FRMD3: variants seen among roughly 807,000 people sequenced by gnomAD.
FRMD3 encodes FERM domain-containing protein 3.
Under a neutral mutation model 70.2 loss-of-function variants are expected in FRMD3, and 33 were observed. That is an observed-to-expected ratio of 0.47 (90% CI 0.36 to 0.63). FRMD3 has a LOEUF of 0.63. FRMD3 is among the 20% of genes least tolerant of loss of function. The pLI is 0.00. For synonymous variants in FRMD3, 279 were observed against 255.9 expected (o/e 1.09, Z -0.86); for missense variants, 632 against 711.4 (o/e 0.89, Z 1.27).
At chr9:83,554,608 G>A in the FRMD3 span, among the ~76,000 whole-genome samples, 9 of 152,208 alleles carry the variant, frequency 5.9e-5, no homozygotes, top group South Asian at 2.1e-4. Context: ...TTCTTGGGTC[G>A]ATTGCAGCTT....
intron 1 of FRMD3, among the ~76,000 whole-genome samples, chr9:83,433,781 A>G (rs577949531): frequency 5.9e-5 from 9 of 152,192 alleles, no homozygotes; most frequent in East Asian, 1.9e-4. Flanking sequence ...CTGCACCCCT[A>G]TGAGAATCTA....
chr9:83,521,096 A>G (rs1299835233), intron 1 of FRMD3, among the ~76,000 whole-genome samples: 1 of 151,580 alleles, frequency 6.6e-6, no homozygotes, highest in Non-Finnish European at 1.5e-5. Context: ...CCGAGATCAC[A>G]CCACTGCACT....
At chr9:83,305,305 T>C (rs149774095) in intron 10 of FRMD3, among the ~76,000 whole-genome samples, 1 of 152,298 alleles carries the variant, frequency 6.6e-6, no homozygotes, top group Non-Finnish European at 1.5e-5. Flanking sequence ...CTCAAAATAC[T>C]CTCATCATTA....
intron 1 of FRMD3, among the ~76,000 whole-genome samples, chr9:83,427,862 T>C (rs1233992607): frequency 1.3e-5 from 2 of 152,182 alleles, no homozygotes; most frequent in African/African-American, 2.4e-5. Flanking sequence ...TTCCTATTCA[T>C]GAGCTTGGCC....
At chr9:83,387,144 C>A (rs916020694) in intron 2 of FRMD3, among the ~76,000 whole-genome samples, 5 of 152,108 alleles carry the variant, frequency 3.3e-5, no homozygotes, top group African/African-American at 1.2e-4. Flanking sequence ...TAAACTTTTG[C>A]ACACTAATTT....
chr9:83,333,696 C>A (rs532749057), intron 6 of FRMD3, among the ~76,000 whole-genome samples: 1 of 152,172 alleles, frequency 6.6e-6, no homozygotes, highest in Non-Finnish European at 1.5e-5. Context: ...CCTCAGGCAC[C>A]GCTGACATGG....
At chr9:83,337,027 T>C (rs999253304) in intron 5 of FRMD3, among the ~76,000 whole-genome samples, 5 of 152,148 alleles carry the variant, frequency 3.3e-5, no homozygotes, top group Non-Finnish European at 4.4e-5. Flanking sequence ...GTATAGGCCC[T>C]AATGATAATA....
chr9:83,432,865 T>C (rs770390399), intron 1 of FRMD3, among the ~76,000 whole-genome samples: 5 of 152,232 alleles, frequency 3.3e-5, no homozygotes, highest in Non-Finnish European at 4.4e-5. Context: ...GTAGTGTACA[T>C]TGTACCCAGT....
intron 1 of FRMD3, among the ~76,000 whole-genome samples, chr9:83,392,572 G>A (rs566211098): frequency 1.3e-5 from 2 of 152,096 alleles, no homozygotes; most frequent in East Asian, 1.9e-4. Context: ...GAAGATAGAG[G>A]TTCCTTCCCT....
chr9:83,441,844 C>G (rs1827306087), intron 1 of FRMD3, among the ~76,000 whole-genome samples: 1 of 149,996 alleles, frequency 6.7e-6, no homozygotes, highest in Non-Finnish European at 1.5e-5. Context: ...AAACAGAGAA[C>G]AGAATCCTTT....
chr9:83,307,510 T>C (rs1201349225), intron 10 of FRMD3, among the ~76,000 whole-genome samples: 2 of 152,256 alleles, frequency 1.3e-5, no homozygotes, highest in Admixed American at 6.5e-5. Flanking sequence ...AGACATGTTA[T>C]AATATGGGTG....
At chr9:83,427,731 A>G (rs1228126515) in intron 1 of FRMD3, among the ~76,000 whole-genome samples, 1 of 151,964 alleles carries the variant, frequency 6.6e-6, no homozygotes, top group African/African-American at 2.4e-5. Context: ...TGAATCTAGA[A>G]AAAAAAATGA....
the FRMD3 span, among the ~76,000 whole-genome samples, chr9:83,549,142 T>C: frequency 6.6e-6 from 1 of 152,086 alleles, no homozygotes; most frequent in Non-Finnish European, 1.5e-5. Flanking sequence ...GTCTTTTGTT[T>C]CCCTCTTTGT....
chr9:83,490,796 T>TCACA lies in FRMD3; in HGVS notation c.147+47288_147+47289insTGTG, dbSNP rs1217910906. ...CTCTCTCTCTCTCTCTCTCTCTCTC[T>TCACA]CTCACACACACACACACACACACAC... On this transcript the variant is annotated intron_variant, in intron 1 of 13. Transcript: ENST00000304195. 5.8e-3 allele frequency among the ~76,000 whole-genome samples: 655 copies of TCACA among 112,010 alleles called. 2 individuals carry two copies. Among genetic ancestry groups the TCACA allele is most frequent in the East Asian group, 0.018 (66 of 3,728 alleles). The allele number at this position is 112,010 out of a possible 152,430, so 73.5% of individuals were successfully genotyped here. A position where few individuals can be genotyped will look rare whatever the true frequency, so the allele number is the denominator to read the frequency against.
At chr9:83,291,468 T>G (rs1834416851) in intron 12 of FRMD3, among the ~76,000 whole-genome samples, 2 of 152,178 alleles carry the variant, frequency 1.3e-5, no homozygotes, top group African/African-American at 4.8e-5. Flanking sequence ...TCACTCCCCA[T>G]GCTTCCTGTC....
At chr9:83,366,439 G>A (rs1019684620) in intron 3 of FRMD3, among the ~76,000 whole-genome samples, 5 of 152,134 alleles carry the variant, frequency 3.3e-5, no homozygotes, top group Non-Finnish European at 5.9e-5. Context: ...CAGGCATGGT[G>A]GCAGGTGCCT....
the FRMD3 span, among the ~76,000 whole-genome samples, chr9:83,561,723 T>A: frequency 6.6e-6 from 1 of 152,164 alleles, no homozygotes; most frequent in South Asian, 2.1e-4. Flanking sequence ...ATGATTCACA[T>A]CACTTAATAA....
In FRMD3 at chr9:83,509,298, C is replaced by T. The variant is rs145834356; in HGVS notation, c.147+28787G>A. The stretch of plus-strand genomic sequence containing the variant: ...ATCTTTAGCTCATTTACATTCTTTG[C>T]CACATCTAGAAGACTTTTTCAATAT... On this transcript the variant is annotated intron_variant, in intron 1 of 13. Transcript: ENST00000304195. 3.5e-3 allele frequency among the ~76,000 whole-genome samples: 530 copies of T among 152,266 alleles called. 5 individuals are homozygous for T. Among genetic ancestry groups the T allele is most frequent in the Non-Finnish European group, 3.6e-3 (248 of 68,024 alleles).
At chr9:83,275,560 G>A (rs1833768135) in intron 13 of FRMD3, among the ~76,000 whole-genome samples, 1 of 152,214 alleles carries the variant, frequency 6.6e-6, no homozygotes, top group Non-Finnish European at 1.5e-5. Context: ...ACAAGTAGAG[G>A]AGATGGTGAG....
Sources: gnomAD v4.1 joint callset for allele counts (sites outside exome capture counted in the v4.1 genomes callset) on GRCh38, gnomAD v4.1.1 for gene constraint, MANE v1.5 for transcripts, NCBI Gene and HGNC (gene_info 2026-07-23, HGNC 2026-07-21) for gene names.